GRIK1: variants seen among roughly 807,000 people sequenced by gnomAD.
GRIK1 encodes the protein glutamate receptor ionotropic, kainate 1.
Under a neutral mutation model 105.7 loss-of-function variants are expected in GRIK1, and 69 were observed. That is an observed-to-expected ratio of 0.65 (90% CI 0.54 to 0.80). The LOEUF (loss-of-function observed/expected upper bound fraction) is 0.80, where lower values mean the gene tolerates loss of function less well. Ranked by LOEUF, GRIK1 falls within the 30% of genes least tolerant of loss-of-function variation. The probability of loss-of-function intolerance (pLI) is 0.00; values close to 1 mark genes in which losing one functional copy is unlikely to be tolerated. For missense variants in GRIK1, 1,109 were observed against 1,167.3 expected (o/e 0.95, Z 0.73); for synonymous variants, 438 against 431.3 (o/e 1.02, Z -0.19).
chr21:29,766,877 G>A lies in GRIK1; in HGVS notation c.119-72814C>T, dbSNP rs147469018. ...GAGTATTTTCTTTGATGTTTCTTCCGTCTGTCTCTCTTTATGAAAGAAGCT... is the reference window on the plus strand; with the variant it reads ...GAGTATTTTCTTTGATGTTTCTTCCATCTGTCTCTCTTTATGAAAGAAGCT... On this transcript the variant is annotated intron_variant, in intron 1 of 17. Coordinates refer to ENST00000327783, the MANE Select transcript of GRIK1 (RefSeq NM_001330994.2). Among the ~76,000 whole-genome samples, 719 of 152,220 alleles carry A rather than the reference G, an allele frequency of 4.7e-3. 4 individuals carry two copies. The highest frequency in any genetic ancestry group is 0.024 in the Middle Eastern group (7 of 294).
At chr21:29,662,106 T>G (rs188968797) in intron 4 of GRIK1, among the ~76,000 whole-genome samples, 105 of 152,364 alleles carry the variant, frequency 6.9e-4, no homozygotes, top group African/African-American at 2.1e-3. Context: ...TAAGCTTCTC[T>G]CCTTAGAGGT....
intron 1 of GRIK1, among the ~76,000 whole-genome samples, chr21:29,837,776 A>G (rs1373617340): frequency 6.6e-6 from 1 of 152,214 alleles, no homozygotes; most frequent in Non-Finnish European, 1.5e-5. Context: ...CCGTTTAGTA[A>G]ACAGTGCCAC....
chr21:29,658,415 G>A (rs545841551), intron 4 of GRIK1, among the ~76,000 whole-genome samples: 2 of 152,116 alleles, frequency 1.3e-5, no homozygotes, highest in South Asian at 2.1e-4. Flanking sequence ...GGCACGTACC[G>A]CCATGCCTGG....
rs2063638888 is a variant in GRIK1 at position 29,694,013 on chromosome 21, C to A, written c.169G>T (p.Ala57Ser). 6.2e-7 allele frequency: 1 copy of A among 1,612,636 alleles called. No homozygotes were observed. Among genetic ancestry groups the A allele is most frequent in the East Asian group, 2.2e-5 (1 of 44,862 alleles). Residue 57 changes from alanine to serine, a missense_variant, in exon 2 of 18, where the codon GCT (alanine) becomes TCT (serine). Ala to Ser is a moderately conservative substitution (Grantham distance 99). Around this residue, in one of 5 missense-constraint regions of GRIK1, gnomAD observed 612 missense variants for 586.0 expected, o/e 1.04. Transcript: ENST00000327783. ...ENEPVNVEEL[A>S]FKFAVTSINR... is the part of the protein sequence containing the mutation. ...ATGCTGGTGACTGCAAACTTGAAAG[C>A]TAATTCTTCAACATTAACAGGCTCA... is the stretch of plus-strand genomic sequence containing the variant.
chr21:29,826,910 T>C (rs1368682285), intron 1 of GRIK1, among the ~76,000 whole-genome samples: 1 of 152,036 alleles, frequency 6.6e-6, no homozygotes, highest in East Asian at 1.9e-4. Flanking sequence ...AAGCAACAAA[T>C]TCAAAGTCTT....
intron 1 of GRIK1, among the ~76,000 whole-genome samples, chr21:29,714,284 G>C (rs2064126231): frequency 6.6e-6 from 1 of 151,884 alleles, no homozygotes; most frequent in Non-Finnish European, 1.5e-5. Flanking sequence ...AAGTCCAAAG[G>C]ATTAACTAAG....
chr21:29,551,327 C>T (rs1365655641), intron 16 of GRIK1, among the ~76,000 whole-genome samples: 2 of 152,118 alleles, frequency 1.3e-5, no homozygotes, highest in East Asian at 3.8e-4. Flanking sequence ...ACTTTGTGTT[C>T]CAGAAATTTT....
chr21:29,827,493 T>A (rs575386085), intron 1 of GRIK1, among the ~76,000 whole-genome samples: 2 of 152,224 alleles, frequency 1.3e-5, no homozygotes, highest in South Asian at 4.1e-4. Flanking sequence ...AAGTCCAGAT[T>A]TGATATAATG....
At chr21:29,835,107 TAACTC>T (rs1179738002) in intron 1 of GRIK1, among the ~76,000 whole-genome samples, 1 of 152,160 alleles carries the variant, frequency 6.6e-6, no homozygotes, top group Non-Finnish European at 1.5e-5. Flanking sequence ...GGACCGCACT[TAACTC>T]AATATTATTT....
chr21:29,683,362 A>G (rs1023976526), intron 3 of GRIK1, among the ~76,000 whole-genome samples: 1 of 152,234 alleles, frequency 6.6e-6, no homozygotes, highest in Non-Finnish European at 1.5e-5. Flanking sequence ...TAGCAAAGGC[A>G]TGGAATCAAC....
intron 1 of GRIK1, among the ~76,000 whole-genome samples, chr21:29,921,771 C>G (rs377524333): frequency 6.6e-6 from 1 of 152,186 alleles, no homozygotes; most frequent in Admixed American, 6.5e-5. Flanking sequence ...AATTAACGTA[C>G]GCTAAAACTT....
intron 14 of GRIK1, among the ~76,000 whole-genome samples, chr21:29,564,008 A>G (rs1317952673): frequency 1.3e-5 from 2 of 152,200 alleles, no homozygotes; most frequent in Non-Finnish European, 2.9e-5. Context: ...TTTGATCTAC[A>G]TGTGAAAATA....
chr21:29,627,866 C>G (rs1568907178), intron 7 of GRIK1, among the ~76,000 whole-genome samples: 1 of 152,012 alleles, frequency 6.6e-6, no homozygotes, highest in South Asian at 2.1e-4. Flanking sequence ...GCCAAGGTAC[C>G]CTTGGGGAAT....
chr21:29,671,549 G>A (rs1447798554), intron 4 of GRIK1, among the ~76,000 whole-genome samples: 2 of 152,124 alleles, frequency 1.3e-5, no homozygotes, highest in Admixed American at 1.3e-4. Flanking sequence ...GTGAGATGGA[G>A]CACCAGAGAG....
At chr21:29,550,225 C>T (rs1292592881) in intron 16 of GRIK1, among the ~76,000 whole-genome samples, 1 of 149,616 alleles carries the variant, frequency 6.7e-6, no homozygotes, top group Non-Finnish European at 1.5e-5. Context: ...CTGAGTTGAT[C>T]TAGCTCTATA....
chr21:29,747,090 T>C (rs1010258083), intron 1 of GRIK1, among the ~76,000 whole-genome samples: 3 of 152,194 alleles, frequency 2.0e-5, no homozygotes, highest in Non-Finnish European at 1.5e-5. Flanking sequence ...CCCTGAGAGC[T>C]AAACTATGAG....
chr21:29,899,174 T>A (rs1222855761), intron 1 of GRIK1, among the ~76,000 whole-genome samples: 5 of 152,254 alleles, frequency 3.3e-5, no homozygotes, highest in Non-Finnish European at 5.9e-5. Context: ...GTCCTGAAAT[T>A]ACTCTGAAGG....
chr21:29,581,329 T>A, intron 13 of GRIK1, 96 bp downstream of exon 13: 1 of 760,600 alleles, frequency 1.3e-6, no homozygotes, highest in East Asian at 2.5e-5. Context: ...AGATGGTGTT[T>A]CATCCTACCC....
Position 29,939,767 on chromosome 21 carries a change from G to T in GRIK1, c.-267C>A, listed in dbSNP as rs780584483. The T allele has an allele frequency of 8.7e-6, 3 of 345,824 alleles. No homozygotes were observed. The highest frequency in any genetic ancestry group is 9.5e-5 in the Admixed American group (2 of 21,078). The allele number at this position is 345,824 out of a possible 1,614,324, so 21.4% of individuals were successfully genotyped here. ...CTTCCATGGGCCGCAGACCGCGGAG[G>T]ATCAGCGCTCTCTGGCTCCCGGAGC... On this transcript the variant is annotated 5_prime_UTR_variant, in exon 1 of 18. Transcript: ENST00000327783.
Sources: gnomAD v4.1 joint callset for allele counts (sites outside exome capture counted in the v4.1 genomes callset) on GRCh38, gnomAD v4.1.1 for gene constraint, gnomAD v4.1.1 regional missense constraint, MANE v1.5 for transcripts, NCBI Gene and HGNC (gene_info 2026-07-23, HGNC 2026-07-21) for gene names.